EYS: variants seen among roughly 807,000 people sequenced by gnomAD.
The protein encoded by EYS is protein eyes shut homolog.
EYS carries 250 observed loss-of-function variants against 282.1 expected under a neutral mutation model. The observed-to-expected ratio is 0.89, with a 90% confidence interval of 0.80 to 0.98. The LOEUF is 0.98. Among genes scored for constraint, EYS ranks in the 50% least tolerant of loss-of-function variants. The pLI is 0.00. For missense variants in EYS, 4,016 were observed against 3,709.0 expected (o/e 1.08, Z -2.15); for synonymous variants, 1,355 against 1,282.9 (o/e 1.06, Z -1.20).
At chr6:64,455,688 AGTGAGAACAT>A (rs1775538144) in intron 26 of EYS, among the ~76,000 whole-genome samples, 1 of 152,054 alleles carries the variant, frequency 6.6e-6, no homozygotes. Context: ...CCCACTTATG[AGTGAGAACAT>A]GTGGTGTTTG....
At chr6:65,147,779 A>C (rs1271236386) in intron 12 of EYS, among the ~76,000 whole-genome samples, 1 of 152,238 alleles carries the variant, frequency 6.6e-6, no homozygotes, top group Admixed American at 6.5e-5. Flanking sequence ...AAAGAAAAAT[A>C]GTTTAATTGA....
At chr6:63,730,355 A>G (rs1768751595) in intron 41 of EYS, among the ~76,000 whole-genome samples, 1 of 152,208 alleles carries the variant, frequency 6.6e-6, no homozygotes, top group African/African-American at 2.4e-5. Context: ...TTTTGAAAAC[A>G]TCAATTCATT....
At chr6:64,805,114 G>A (rs1764386087) in intron 22 of EYS, among the ~76,000 whole-genome samples, 1 of 151,848 alleles carries the variant, frequency 6.6e-6, no homozygotes, top group South Asian at 2.1e-4. Context: ...AAAAAATACA[G>A]CAATTGCCAA....
At chr6:65,391,824 A>G (rs2150356820) in intron 7 of EYS, among the ~76,000 whole-genome samples, 1 of 152,282 alleles carries the variant, frequency 6.6e-6, no homozygotes, top group Non-Finnish European at 1.5e-5. Context: ...AAACTACTTT[A>G]AAGTTCATAT....
chr6:64,528,366 C>A (rs1332189949), intron 26 of EYS, among the ~76,000 whole-genome samples: 1 of 151,748 alleles, frequency 6.6e-6, no homozygotes, highest in Non-Finnish European at 1.5e-5. Flanking sequence ...ATTACATAGT[C>A]TCCTTTATGG....
intron 19 of EYS, among the ~76,000 whole-genome samples, chr6:64,849,251 T>A (rs989466432): frequency 6.6e-6 from 1 of 151,690 alleles, no homozygotes; most frequent in African/African-American, 2.4e-5. Context: ...TATATTTTTA[T>A]ATTTATAATT....
chr6:65,166,686 T>C (rs1045776510), intron 12 of EYS, among the ~76,000 whole-genome samples: 2 of 150,916 alleles, frequency 1.3e-5, no homozygotes, highest in Non-Finnish European at 3.0e-5. Context: ...TATAACAAAA[T>C]CATAAGTGAC....
intron 14 of EYS, among the ~76,000 whole-genome samples, chr6:64,946,803 C>T (rs2150096688): frequency 6.6e-6 from 1 of 151,946 alleles, no homozygotes; most frequent in Non-Finnish European, 1.5e-5. Context: ...AAGTATCTCA[C>T]TAAAATTTTT....
intron 28 of EYS, among the ~76,000 whole-genome samples, chr6:64,419,928 C>T (rs934474432): frequency 3.3e-5 from 5 of 152,180 alleles, no homozygotes; most frequent in Admixed American, 2.6e-4. Context: ...AGACAGTGCC[C>T]AAGTGGGGAT....
At chr6:64,701,329 GCAA>G (rs957412370) in intron 22 of EYS, among the ~76,000 whole-genome samples, 10 of 152,124 alleles carry the variant, frequency 6.6e-5, no homozygotes, top group Admixed American at 5.2e-4. Context: ...AAAAGCAAAT[GCAA>G]CAACAACAAG....
chr6:65,639,039 T>C (rs972884769), intron 2 of EYS, among the ~76,000 whole-genome samples: 2 of 152,090 alleles, frequency 1.3e-5, no homozygotes, highest in African/African-American at 2.4e-5. Flanking sequence ...ACAAAACAAA[T>C]AGTAACATGA....
intron 36 of EYS, among the ~76,000 whole-genome samples, chr6:63,824,907 C>T (rs187534769): frequency 6.6e-6 from 1 of 152,304 alleles, no homozygotes; most frequent in East Asian, 1.9e-4. Context: ...AGCCTCCTGG[C>T]CAGAACTTGG....
chr6:64,109,073 T>C (rs1773124306), intron 31 of EYS, among the ~76,000 whole-genome samples: 1 of 152,112 alleles, frequency 6.6e-6, no homozygotes, highest in African/African-American at 2.4e-5. Context: ...GACCTTCCTC[T>C]GTATATTACT....
At chr6:65,560,458 G>T (rs1438755095) in intron 2 of EYS, among the ~76,000 whole-genome samples, 2 of 147,132 alleles carry the variant, frequency 1.4e-5, no homozygotes, top group Non-Finnish European at 1.5e-5. Context: ...ACAAATAAAG[G>T]TGTTAGACTG....
At chr6:65,050,570 T>C (rs1328581794) in intron 13 of EYS, among the ~76,000 whole-genome samples, 2 of 151,662 alleles carry the variant, frequency 1.3e-5, no homozygotes, top group Non-Finnish European at 3.0e-5. Context: ...TTGACTTTAA[T>C]ACATTTCCAG....
At chr6:65,525,005 G>A (rs865860772) in intron 2 of EYS, among the ~76,000 whole-genome samples, 14 of 151,996 alleles carry the variant, frequency 9.2e-5, no homozygotes, top group Middle Eastern at 3.4e-3. Flanking sequence ...ACGTTGCTGG[G>A]CCCATGCATA....
chr6:65,409,537 T>C (rs1766891851), intron 5 of EYS, among the ~76,000 whole-genome samples: 1 of 152,164 alleles, frequency 6.6e-6, no homozygotes, highest in Non-Finnish European at 1.5e-5. Flanking sequence ...CTTTGGACAA[T>C]TGATACATGT....
rs1216063260 is a variant in EYS, at chr6:63,810,272, A to C, written c.7229-3900T>G. On this transcript the variant is annotated intron_variant, in intron 36 of 42. Coordinates refer to ENST00000503581, the MANE Select transcript of EYS (RefSeq NM_001142800.2). Reference sequence around the variant, plus strand: ...CGAGATTCCATCTCAAAAAAAAAAAAAAAACAAAAAACCAAAACAAAGACA... The same window carrying C: ...CGAGATTCCATCTCAAAAAAAAAAACAAAACAAAAAACCAAAACAAAGACA... Among the ~76,000 whole-genome samples, 16 of 151,350 alleles carry C rather than the reference A, an allele frequency of 1.1e-4. 1 individual carries two copies. Among genetic ancestry groups the C allele is most frequent in the East Asian group, 7.8e-4 (4 of 5,160 alleles).
chr6:64,164,093 T>A (rs116604726), intron 31 of EYS, among the ~76,000 whole-genome samples: 2,924 of 152,206 alleles, frequency 0.019, 82 homozygotes, highest in African/African-American at 0.066. Flanking sequence ...TAAATGGTGA[T>A]CTTGAGGTAT....
Sources: gnomAD v4.1 joint callset for allele counts (sites outside exome capture counted in the v4.1 genomes callset) on GRCh38, gnomAD v4.1.1 for gene constraint, MANE v1.5 for transcripts, NCBI Gene and HGNC (gene_info 2026-07-23, HGNC 2026-07-21) for gene names.